The following PCGF6 variants were observed in gnomAD, a reference collection of about 807,000 sequenced individuals.
PCGF6 encodes polycomb group ring finger 6.
In PCGF6, 24 loss-of-function variants were observed where a neutral mutation model predicts 45.5. That is an observed-to-expected ratio of 0.53 (90% CI 0.38 to 0.74). The LOEUF (loss-of-function observed/expected upper bound fraction) is 0.74. Ranked by LOEUF, PCGF6 falls within the 30% of genes least tolerant of loss-of-function variation. The pLI, the probability that PCGF6 is intolerant of heterozygous loss-of-function variation, is 0.00. For synonymous variants in PCGF6, 152 were observed against 162.1 expected (o/e 0.94, Z 0.47); for missense variants, 356 against 443.2 (o/e 0.80, Z 1.77).
At chr10:103,322,345 G>A (rs980151624) in intron 8 of PCGF6, among the ~76,000 whole-genome samples, 1 of 152,062 alleles carries the variant, frequency 6.6e-6, no homozygotes, top group East Asian at 1.9e-4. Context: ...AGGATTACAG[G>A]TGTGCGCTTA....
intron 9 of PCGF6, among the ~76,000 whole-genome samples, chr10:103,313,937 T>A (rs1253583737): frequency 3.3e-5 from 5 of 152,144 alleles, no homozygotes; most frequent in Non-Finnish European, 7.3e-5. Flanking sequence ...TCCTTTATCT[T>A]TAAAATGGGA....
chr10:103,336,083 A>G (rs1218264308), intron 6 of PCGF6, among the ~76,000 whole-genome samples: 1 of 150,894 alleles, frequency 6.6e-6, no homozygotes, highest in Non-Finnish European at 1.5e-5. Context: ...CTGGGCAACA[A>G]ATTAGCAAGG....
At chr10:103,325,643 A>C (rs1301174972) in intron 8 of PCGF6, among the ~76,000 whole-genome samples, 1 of 152,142 alleles carries the variant, frequency 6.6e-6, no homozygotes, top group Non-Finnish European at 1.5e-5. Flanking sequence ...ACCAAAATGG[A>C]AAGAGCTGGA....
rs971721778 is a variant in PCGF6, at chr10:103,314,249, G to C, written c.933C>G (p.His311Gln). 6 of 1,598,594 alleles carry C rather than the reference G, an allele frequency of 3.8e-6. No individual in the cohort carries two copies. The African/African-American group carries it at 6.7e-5, about 18-fold the overall frequency. The change falls in exon 9 of 10, where the codon CAC (histidine) becomes CAG (glutamine). Residue 311 changes from histidine (H) to glutamine (Q), a missense_variant. His to Gln is a conservative substitution (Grantham distance 24). This residue lies in a region of PCGF6 where 49 missense variants were observed against 93.0 expected (regional missense o/e 0.53). Coordinates refer to ENST00000369847, the MANE Select transcript of PCGF6 (RefSeq NM_001011663.2). ...TTAGAGTTTGATACTGCTCCAACAG[G>C]TGATCACCACAGATTATATCTACCT... ...ACQVDIICGD[H>Q]LLEQYQTLRE...
chr10:103,315,516 T>G (rs988602864), intron 8 of PCGF6, among the ~76,000 whole-genome samples: 1 of 152,110 alleles, frequency 6.6e-6, no homozygotes, highest in African/African-American at 2.4e-5. Context: ...CCCACCACCA[T>G]GCCCAGCTTA....
At chr10:103,328,686 G>T (rs546953515) in intron 7 of PCGF6, among the ~76,000 whole-genome samples, 1 of 152,132 alleles carries the variant, frequency 6.6e-6, no homozygotes, top group South Asian at 2.1e-4. Flanking sequence ...TTAGTGTTGT[G>T]AGCCATTTGT....
chr10:103,326,266 GT>G (rs1480778007), intron 8 of PCGF6, among the ~76,000 whole-genome samples: 2 of 151,698 alleles, frequency 1.3e-5, no homozygotes, highest in African/African-American at 4.8e-5. Context: ...GCAGGTGCCT[GT>G]AGTCCCAGCT....
intron 1 of PCGF6, among the ~76,000 whole-genome samples, chr10:103,350,399 A>T (rs1288280805): frequency 6.6e-6 from 1 of 152,174 alleles, no homozygotes; most frequent in Non-Finnish European, 1.5e-5. Context: ...TGGTCGCGCC[A>T]CTGCACTCCA....
intron 9 of PCGF6, among the ~76,000 whole-genome samples, chr10:103,306,326 G>A (rs1005117123): frequency 3.3e-5 from 5 of 152,142 alleles, no homozygotes; most frequent in South Asian, 2.1e-4. Flanking sequence ...TTGAACTCGC[G>A]ACCTCAGGTG....
chr10:103,318,197 C>A (rs1436604102), intron 8 of PCGF6, among the ~76,000 whole-genome samples: 1 of 151,052 alleles, frequency 6.6e-6, no homozygotes, highest in Non-Finnish European at 1.5e-5. Context: ...AATCCCAGCA[C>A]TTTGGGAGGC....
chr10:103,328,276 T>C (rs537656794), intron 7 of PCGF6, among the ~76,000 whole-genome samples: 3 of 152,184 alleles, frequency 2.0e-5, no homozygotes, highest in African/African-American at 4.8e-5. Context: ...ACACATTTGT[T>C]CCATGTTACA....
chr10:103,315,371 G>A (rs910221095), intron 8 of PCGF6, among the ~76,000 whole-genome samples: 27 of 151,732 alleles, frequency 1.8e-4, no homozygotes, highest in African/African-American at 4.4e-4. Context: ...TTTTTAGTTC[G>A]TTTTTTGAGA....
intron 6 of PCGF6, among the ~76,000 whole-genome samples, chr10:103,343,322 C>T (rs1222056679): frequency 6.6e-6 from 1 of 151,396 alleles, no homozygotes; most frequent in Non-Finnish European, 1.5e-5. Context: ...ATACAAGTAG[C>T]CTAGAGTTAT....
In PCGF6 at chr10:103,335,582, CGATCTCTT is replaced by C. The variant is rs1262193565; in HGVS notation, c.783-1638_783-1631del. On this transcript the variant is annotated intron_variant, in intron 6 of 9. Transcript: ENST00000369847. ...TTCACCATGTTGTTCAGGATGGCCT[CGATCTCTT>C]GATCTCGTGATCTGCCCACCTTGGC... 2.0e-5 allele frequency among the ~76,000 whole-genome samples: 3 copies of C among 152,108 alleles called. No individual in the cohort carries two copies. The East Asian group carries it at 5.9e-4, about 30-fold the overall frequency.
At chr10:103,332,992 T>C (rs956741817) in intron 7 of PCGF6, among the ~76,000 whole-genome samples, 4 of 151,890 alleles carry the variant, frequency 2.6e-5, no homozygotes, top group African/African-American at 9.7e-5. Flanking sequence ...TGCATGCCTG[T>C]AATCCTAGCT....
At chr10:103,342,937 G>A (rs1479995551) in intron 6 of PCGF6, among the ~76,000 whole-genome samples, 1 of 151,996 alleles carries the variant, frequency 6.6e-6, no homozygotes, top group Non-Finnish European at 1.5e-5. Context: ...CCTTTTAGGG[G>A]TTCTTTTCTT....
chr10:103,345,378 T>C (rs1449511509), intron 5 of PCGF6, among the ~76,000 whole-genome samples: 1 of 152,190 alleles, frequency 6.6e-6, no homozygotes, highest in East Asian at 1.9e-4. Flanking sequence ...AGAGAGCTCA[T>C]TAGAACAGCA....
rs536526396 is a variant in PCGF6, at chr10:103,343,669, C to A, written c.782+1355G>T. 4.9e-4 allele frequency among the ~76,000 whole-genome samples: 75 copies of A among 151,770 alleles called. 1 individual carries two copies. Among genetic ancestry groups the A allele is most frequent in the African/African-American group, 1.8e-3 (73 of 41,388 alleles). On this transcript the variant is annotated intron_variant, in intron 6 of 9. Transcript: ENST00000369847. Reference sequence around the variant, plus strand: ...CCAACATGGCAAAACCCTGTCTCTACTAAAACTACAAAAATTAGCCAGGCG... The same window carrying A: ...CCAACATGGCAAAACCCTGTCTCTAATAAAACTACAAAAATTAGCCAGGCG...
intron 8 of PCGF6, among the ~76,000 whole-genome samples, chr10:103,317,751 TTTC>T (rs1646483530): frequency 6.6e-6 from 1 of 151,602 alleles, no homozygotes; most frequent in South Asian, 2.1e-4. Context: ...GGGTGGTCAG[TTTC>T]TTTTTTCTGT....
Sources: gnomAD v4.1 joint callset for allele counts (sites outside exome capture counted in the v4.1 genomes callset) on GRCh38, gnomAD v4.1.1 for gene constraint, gnomAD v4.1.1 regional missense constraint, MANE v1.5 for transcripts, NCBI Gene and HGNC (gene_info 2026-07-23, HGNC 2026-07-21) for gene names.